The following KRABD5 variants were observed in gnomAD, a reference collection of about 807,000 sequenced individuals.
KRABD5 encodes KRAB domain containing 5.
chr16:31,750,773 A>T, the KRABD5 span, among the ~76,000 whole-genome samples: 1 of 151,732 alleles, frequency 6.6e-6, no homozygotes, highest in African/African-American at 2.4e-5. Context: ...TCTCATATAT[A>T]TTGAAATGGT....
chr16:31,728,907 A>T, the KRABD5 span, among the ~76,000 whole-genome samples: 19 of 152,118 alleles, frequency 1.2e-4, no homozygotes, highest in South Asian at 4.1e-4. Context: ...ATTTCTGTAT[A>T]TTTCTCCTTC....
At chr16:31,737,160 T>C in the KRABD5 span, among the ~76,000 whole-genome samples, 1 of 152,184 alleles carries the variant, frequency 6.6e-6, no homozygotes, top group Non-Finnish European at 1.5e-5. Flanking sequence ...GATACCAATT[T>C]TCACCACTCC....
At chr16:31,720,697 TCAC>T in the KRABD5 span, among the ~76,000 whole-genome samples, 675 of 152,342 alleles carry the variant, frequency 4.4e-3, 7 homozygotes, top group African/African-American at 0.016. Flanking sequence ...CTAACTTCAT[TCAC>T]CTGGTTCAGG....
the KRABD5 span, among the ~76,000 whole-genome samples, chr16:31,717,711 A>G: frequency 2.6e-4 from 39 of 152,106 alleles, no homozygotes; most frequent in East Asian, 7.7e-4. Flanking sequence ...ACCATTGTGC[A>G]TCATTTTTCT....
At chr16:31,729,527 C>A in the KRABD5 span, among the ~76,000 whole-genome samples, 1 of 152,120 alleles carries the variant, frequency 6.6e-6, no homozygotes, top group Non-Finnish European at 1.5e-5. Context: ...GCTCTCATGG[C>A]CTAATCACTT....
the KRABD5 span, chr16:31,759,484 C>G: frequency 7.3e-7 from 1 of 1,372,488 alleles, no homozygotes; most frequent in Non-Finnish European, 1.0e-6. Context: ...TTATATGGGT[C>G]TATTTATTTG....
chr16:31,723,740 G>T, the KRABD5 span, among the ~76,000 whole-genome samples: 1 of 152,180 alleles, frequency 6.6e-6, no homozygotes, highest in Non-Finnish European at 1.5e-5. Flanking sequence ...TGTGTGAGGC[G>T]AGTGATGGAC....
At chr16:31,747,397 C>T in the KRABD5 span, among the ~76,000 whole-genome samples, 1 of 152,234 alleles carries the variant, frequency 6.6e-6, no homozygotes, top group South Asian at 2.1e-4. Flanking sequence ...CATTGTTGGA[C>T]ATTTGGGTTG....
chr16:31,729,851 T>C, the KRABD5 span, among the ~76,000 whole-genome samples: 1 of 152,098 alleles, frequency 6.6e-6, no homozygotes, highest in Admixed American at 6.6e-5. Flanking sequence ...TAAAACATCA[T>C]ATAACAGCCT....
At chr16:31,723,795 TCA>T in the KRABD5 span, among the ~76,000 whole-genome samples, 1 of 152,322 alleles carries the variant, frequency 6.6e-6, no homozygotes, top group Non-Finnish European at 1.5e-5. Flanking sequence ...TGGATAGATG[TCA>T]CATATTTTCT....
At chr16:31,731,786 C>T in the KRABD5 span, among the ~76,000 whole-genome samples, 1 of 152,216 alleles carries the variant, frequency 6.6e-6, no homozygotes, top group Non-Finnish European at 1.5e-5. Flanking sequence ...AAACTCCTGA[C>T]CTGTGGCTGC....
the KRABD5 span, chr16:31,754,422 C>T: frequency 1.6e-6 from 1 of 636,124 alleles, no homozygotes; most frequent in Non-Finnish European, 2.8e-6. Context: ...CAGGACTATA[C>T]CCTAAATAAT....
the KRABD5 span, among the ~76,000 whole-genome samples, chr16:31,739,955 C>T: frequency 9.0e-6 from 1 of 111,044 alleles, no homozygotes; most frequent in Non-Finnish European, 1.7e-5. Flanking sequence ...CAGAGCCCAT[C>T]CCTTTATTTT....
chr16:31,722,659 T>G, the KRABD5 span: 2 of 1,613,478 alleles, frequency 1.2e-6, no homozygotes, highest in Non-Finnish European at 8.5e-7. Context: ...GGCCATAGAA[T>G]TCTCTCGGGA....
At chr16:31,753,899 G>A in the KRABD5 span, 154,257 of 1,550,000 alleles carry the variant, frequency 0.1, 11,123 homozygotes, top group South Asian at 0.3. Flanking sequence ...GGGAAAGTGA[G>A]GGTAAGTGTG....
At chr16:31,738,153 T>C in the KRABD5 span, among the ~76,000 whole-genome samples, 2 of 152,278 alleles carry the variant, frequency 1.3e-5, no homozygotes, top group African/African-American at 4.8e-5. Context: ...TATATGGTTA[T>C]GGATATTGTG....
the KRABD5 span, among the ~76,000 whole-genome samples, chr16:31,740,771 T>G: frequency 2.0e-5 from 3 of 152,246 alleles, no homozygotes; most frequent in Non-Finnish European, 2.9e-5. Context: ...TGTACTCCAG[T>G]CTGAGTGACA....
the KRABD5 span, among the ~76,000 whole-genome samples, chr16:31,726,053 A>G: frequency 6.6e-6 from 1 of 152,330 alleles, no homozygotes; most frequent in East Asian, 1.9e-4. Flanking sequence ...AAAAATTAGT[A>G]CCAAGGCTGA....
At chr16:31,735,247 CT>C in the KRABD5 span, among the ~76,000 whole-genome samples, 13 of 151,890 alleles carry the variant, frequency 8.6e-5, no homozygotes, top group Admixed American at 8.5e-4. Context: ...GGATTTTATT[CT>C]TTTTTAATGG....
Sources: allele counts gnomAD v4.1 joint callset (sites outside exome capture counted in the v4.1 genomes callset), GRCh38; gene constraint gnomAD v4.1.1; transcripts MANE v1.5; gene names NCBI Gene and HGNC (gene_info 2026-07-23, HGNC 2026-07-21).